Variants in ASH1L observed in about 807,000 individuals in gnomAD.
The protein encoded by ASH1L is ASH1 like histone lysine methyltransferase.
Under a neutral mutation model 269.0 loss-of-function variants are expected in ASH1L, and 23 were observed. The ratio of observed to expected loss-of-function variants is 0.09; its 90% CI spans 0.06 to 0.12. The LOEUF (loss-of-function observed/expected upper bound fraction) is 0.12. Among genes scored for constraint, ASH1L ranks in the 10% least tolerant of loss-of-function variants. The pLI is 1.00. For synonymous variants in ASH1L, 1,187 were observed against 1,253.5 expected, an observed-to-expected ratio of 0.95 and a Z score of 1.12; for missense variants, 2,912 against 3,567.8, an observed-to-expected ratio of 0.82 and a Z score of 4.68.
chr1:155,366,810 T>C (rs1655465259), intron 12 of ASH1L, among the ~76,000 whole-genome samples: 1 of 151,970 alleles, frequency 6.6e-6, no homozygotes, highest in South Asian at 2.1e-4. Context: ...TAGCTGGGAC[T>C]ATAGGCGTGT....
intron 3 of ASH1L, 94 bp downstream of exon 3, chr1:155,477,784 AAAAAAGAT>A: frequency 8.7e-7 from 1 of 1,150,264 alleles, no homozygotes; most frequent in Non-Finnish European, 1.1e-6. Flanking sequence ...TTAAAAAACA[AAAAAAGAT>A]ATATATATTA....
chr1:155,339,257 G>GT (rs966639277), intron 26 of ASH1L, 71 bp downstream of exon 26: 3 of 1,424,646 alleles, frequency 2.1e-6, no homozygotes. Context: ...GTGGGTAGTT[G>GT]TTTGTTTTCT....
rs771521603 is a variant in ASH1L, at chr1:155,357,758, G to T, written c.6796-9C>A. On this transcript the variant is annotated splice_polypyrimidine_tract_variant and intron_variant, in intron 13 of 27. Coordinates refer to ENST00000392403, the MANE Select transcript of ASH1L (RefSeq NM_018489.3). The stretch of plus-strand genomic sequence containing the variant: ...CCACACTTACAAAGTTGCTTTGAAG[G>T]GAGAGAATAATTTTTTTATTTTTAT... 1.3e-6 allele frequency: 2 copies of T among 1,598,498 alleles called. No homozygotes were observed.
chr1:155,415,816 T>C lies in ASH1L; in HGVS notation c.5936A>G (p.Lys1979Arg). The change falls in exon 6 of 28, where the codon AAG becomes AGG. Residue 1979 changes from lysine (K) to arginine (R), a missense_variant. This residue lies in a region of ASH1L where 193 missense variants were observed against 311.6 expected (regional missense o/e 0.62). Transcript: ENST00000392403. Reference sequence around the variant, plus strand: ...CTTCTTTGGGGGACGTGGGGGCTTCTTTTCCCTTGGGATGAGAGAAAGCAC... The same window carrying C: ...CTTCTTTGGGGGACGTGGGGGCTTCCTTTCCCTTGGGATGAGAGAAAGCAC... ...QPVLSLIPRE[K>R]KPPRPPKKKY... 1 of 1,613,798 alleles carries C rather than the reference T, an allele frequency of 6.2e-7. No individual in the cohort carries two copies. The highest frequency in any genetic ancestry group is 1.3e-5 in the African/African-American group (1 of 75,008).
chr1:155,521,066 TCAATAAC>T, intron 2 of ASH1L, 27 bp downstream of exon 2: 1 of 1,540,266 alleles, frequency 6.5e-7, no homozygotes, highest in Non-Finnish European at 8.8e-7. Flanking sequence ...GAAAATATTG[TCAATAAC>T]CACATATTGT....
intron 2 of ASH1L, among the ~76,000 whole-genome samples, chr1:155,495,989 A>ACT (rs10654610): frequency 0.049 from 7,423 of 152,124 alleles, 618 homozygotes; most frequent in African/African-American, 0.17. Context: ...CAAGAGCAAG[A>ACT]CTGTCTCAAT....
intron 5 of ASH1L, chr1:155,434,090 C>G: frequency 6.3e-7 from 1 of 1,592,378 alleles, no homozygotes. Flanking sequence ...TGCTGGGTCT[C>G]CTTTCTCAGG....
At chr1:155,491,100 C>G (rs1416167279) in intron 2 of ASH1L, among the ~76,000 whole-genome samples, 1 of 150,578 alleles carries the variant, frequency 6.6e-6, no homozygotes, top group African/African-American at 2.5e-5. Context: ...CTGTATTTCT[C>G]CTGCAGTGAA....
rs576704316 is a variant in ASH1L at position 155,443,404 on chromosome 1, A to G, written c.5087-4336T>C. 1.7e-3 allele frequency among the ~76,000 whole-genome samples: 257 copies of G among 152,324 alleles called. 1 individual carries two copies. Among genetic ancestry groups the G allele is most frequent in the Middle Eastern group, 3.4e-3 (1 of 294 alleles). On this transcript the variant is annotated intron_variant, in intron 4 of 27. Transcript: ENST00000392403. ...AGTCTAGGACATGATGCTGCACACT[A>G]TATTTTAGATGTAACTTATTTTCAA...
intron 6 of ASH1L, among the ~76,000 whole-genome samples, chr1:155,398,722 T>C (rs1324898179): frequency 3.9e-5 from 6 of 152,122 alleles, no homozygotes; most frequent in Non-Finnish European, 7.4e-5. Flanking sequence ...TTTTTGCTTT[T>C]TTGAGACAGG....
chr1:155,545,796 GA>G (rs1386530018), intron 1 of ASH1L, among the ~76,000 whole-genome samples: 1 of 151,888 alleles, frequency 6.6e-6, no homozygotes, highest in Non-Finnish European at 1.5e-5. Context: ...TGAGGCAGGT[GA>G]ATCACTTAAG....
At chr1:155,394,328 T>A (rs1395270103) in intron 7 of ASH1L, among the ~76,000 whole-genome samples, 2 of 152,208 alleles carry the variant, frequency 1.3e-5, no homozygotes, top group African/African-American at 4.8e-5. Flanking sequence ...AGGAACCAGA[T>A]CATTCAAGTC....
chr1:155,376,556 G>A (rs1297485960), intron 10 of ASH1L, among the ~76,000 whole-genome samples: 1 of 152,122 alleles, frequency 6.6e-6, no homozygotes, highest in Non-Finnish European at 1.5e-5. Context: ...GCTCATGCCT[G>A]TAGTCCCAGC....
Position 155,349,052 on chromosome 1 carries a change from G to A in ASH1L, c.7554+275C>T, listed in dbSNP as rs993734671. Among the ~76,000 whole-genome samples, 7 of 151,160 alleles carry A rather than the reference G, an allele frequency of 4.6e-5. No individual in the cohort carries two copies. In the East Asian group the frequency reaches 5.8e-4, roughly 13 times the overall value. On this transcript the variant is annotated intron_variant, in intron 19 of 27. Transcript: ENST00000392403. ...AAATGTATTAAAATATCTATATAAC[G>A]CAGTCATAAAGGTTTAATACTAAAT...
chr1:155,472,617 CA>C (rs1665185708), intron 3 of ASH1L, among the ~76,000 whole-genome samples: 1 of 152,064 alleles, frequency 6.6e-6, no homozygotes, highest in African/African-American at 2.4e-5. Flanking sequence ...AGATACAACA[CA>C]CAACAGAAAA....
chr1:155,475,324 A>G (rs377635000), intron 3 of ASH1L, among the ~76,000 whole-genome samples: 32 of 152,046 alleles, frequency 2.1e-4, no homozygotes, highest in African/African-American at 6.3e-4. Flanking sequence ...TTTAGTAGAG[A>G]TGGGGTTTCA....
chr1:155,411,591 ATATATAT>A lies in ASH1L; in HGVS notation c.6008+4146_6008+4152del, dbSNP rs1558075723. On this transcript the variant is annotated intron_variant, in intron 6 of 27. Transcript: ENST00000392403. ...TGAATATAAATAAATAAATAAATAT[ATATATAT>A]ATATATATATATATATATATGTTTT... 8.9e-3 allele frequency among the ~76,000 whole-genome samples: 383 copies of A among 42,864 alleles called. 16 individuals are homozygous for A. Among genetic ancestry groups the A allele is most frequent in the Non-Finnish European group, 0.015 (251 of 16,736 alleles). 28.1% of individuals were successfully genotyped at this position (42,864 alleles called of 152,430 possible). A position where few individuals can be genotyped will look rare whatever the true frequency, so the allele number is the denominator to read the frequency against.
intron 3 of ASH1L, among the ~76,000 whole-genome samples, chr1:155,475,587 T>C (rs956246912): frequency 5.9e-5 from 9 of 152,206 alleles, no homozygotes; most frequent in Non-Finnish European, 1.0e-4. Flanking sequence ...ATTAAGCCAT[T>C]ATTTATTTGC....
intron 2 of ASH1L, among the ~76,000 whole-genome samples, chr1:155,501,375 T>C (rs1570996616): frequency 6.6e-6 from 1 of 152,256 alleles, no homozygotes; most frequent in Middle Eastern, 3.4e-3. Context: ...TTTCAGATGT[T>C]CCTAATTATT....
Sources: gnomAD v4.1 joint callset for allele counts (sites outside exome capture counted in the v4.1 genomes callset) on GRCh38, gnomAD v4.1.1 for gene constraint, gnomAD v4.1.1 regional missense constraint, MANE v1.5 for transcripts, NCBI Gene and HGNC (gene_info 2026-07-23, HGNC 2026-07-21) for gene names.